TENM3: variants seen among roughly 807,000 people sequenced by gnomAD.
TENM3 encodes teneurin transmembrane protein 3.
Under a neutral mutation model 255.1 loss-of-function variants are expected in TENM3, and 63 were observed. That is an observed-to-expected ratio of 0.25 (90% confidence interval 0.20 to 0.30). TENM3 has a LOEUF of 0.30. TENM3 is among the 10% of genes least tolerant of loss of function. TENM3 has a pLI of 1.00. For synonymous variants in TENM3, 1,306 were observed against 1,322.3 expected, an observed-to-expected ratio of 0.99 and a Z score of 0.27; for missense variants, 2,929 against 3,461.1, an observed-to-expected ratio of 0.85 and a Z score of 3.86.
chr4:181,627,767 G>A, the TENM3 span, among the ~76,000 whole-genome samples: 1 of 152,158 alleles, frequency 6.6e-6, no homozygotes, highest in Admixed American at 6.5e-5. Context: ...CCAAGTCTTT[G>A]CTATTGTGAA....
chr4:182,547,654 T>C (rs1741576421), intron 3 of TENM3, among the ~76,000 whole-genome samples: 1 of 152,114 alleles, frequency 6.6e-6, no homozygotes. Flanking sequence ...TATCCAATGC[T>C]CACTCACTGG....
chr4:182,502,759 C>T (rs2151661111), intron 3 of TENM3, among the ~76,000 whole-genome samples: 1 of 151,904 alleles, frequency 6.6e-6, no homozygotes, highest in South Asian at 2.1e-4. Flanking sequence ...CTCTTTTATG[C>T]CAATATTTTC....
the TENM3 span, among the ~76,000 whole-genome samples, chr4:181,657,010 A>G: frequency 7.2e-5 from 11 of 152,238 alleles, no homozygotes; most frequent in Non-Finnish European, 1.2e-4. Flanking sequence ...CTTCAAGCTC[A>G]CCCAGTGCAA....
the TENM3 span, among the ~76,000 whole-genome samples, chr4:182,054,971 G>A: frequency 6.6e-6 from 1 of 152,124 alleles, no homozygotes; most frequent in East Asian, 1.9e-4. Flanking sequence ...TTATCTGCGA[G>A]CCTATTCCTT....
rs771356366 is a variant in TENM3 at position 182,792,301 on chromosome 4, C to T, written c.5629C>T (p.Arg1877Trp). The change falls in exon 26 of 28, where the codon CGG becomes TGG. Residue 1877 changes from arginine (R) to tryptophan (W), a missense_variant. This residue lies in a region of TENM3 where 303 missense variants were observed against 425.2 expected (regional missense o/e 0.71). Coordinates refer to ENST00000511685, the MANE Select transcript of TENM3 (RefSeq NM_001080477.4). This position sits in a 1 kb window ranked among gnomAD's most constrained non-coding sequence, Gnocchi z 6.3. Reference sequence around the variant, plus strand: ...CATGGTTCTTCTGCTTCATAGCCAGCGGCAGTACATCTTCGAATACGATAT... The same window carrying T: ...CATGGTTCTTCTGCTTCATAGCCAGTGGCAGTACATCTTCGAATACGATAT... ...KSMVLLLHSQ[R>W]QYIFEYDMWD... 1.2e-6 allele frequency: 2 copies of T among 1,613,774 alleles called. No homozygotes were observed. The highest frequency in any genetic ancestry group is 1.7e-6 in the Non-Finnish European group (2 of 1,179,708).
intron 1 of TENM3, among the ~76,000 whole-genome samples, chr4:182,217,548 G>C (rs569954466): frequency 3.3e-5 from 5 of 152,150 alleles, no homozygotes; most frequent in African/African-American, 4.8e-5. Context: ...GTGCTTGTTC[G>C]AGGTACTTTA....
intron 3 of TENM3, among the ~76,000 whole-genome samples, chr4:182,561,245 A>C (rs1388890803): frequency 1.3e-5 from 2 of 151,930 alleles, no homozygotes; most frequent in Non-Finnish European, 2.9e-5. Flanking sequence ...AATTGTATTT[A>C]TGAATTCAAA....
chr4:182,395,909 AT>A (rs1418304159), intron 3 of TENM3, among the ~76,000 whole-genome samples: 1 of 152,156 alleles, frequency 6.6e-6, no homozygotes. Context: ...CTTGCCTAAA[AT>A]TGTTTTGTCT....
chr4:182,754,994 T>C lies in TENM3; in HGVS notation c.4627T>C (p.Tyr1543His). Reference protein sequence around the residue: ...TVSLVTGDYLYNFSYSNDNDI... With the variant: ...TVSLVTGDYLHNFSYSNDNDI... The stretch of plus-strand genomic sequence containing the variant: ...AAGTTTAGTCACTGGTGATTACCTT[T>C]ACAATTTTAGCTACAGCAATGACAA... The change falls in exon 22 of 28, where the codon TAC becomes CAC. Residue 1543 changes from tyrosine (Y) to histidine (H), a missense_variant. By Grantham distance (83) the Tyr-to-His change is moderately conservative. This residue lies in a region of TENM3 where 1,608 missense variants were observed against 1,884.4 expected (regional missense o/e 0.85). Coordinates refer to ENST00000511685, the MANE Select transcript of TENM3 (RefSeq NM_001080477.4). The surrounding 1 kb of genome is among the most constrained non-coding windows in gnomAD (Gnocchi z 5.1). The C allele has an allele frequency of 6.2e-7, 1 of 1,614,044 alleles. No homozygotes were observed. Among genetic ancestry groups the C allele is most frequent in the Non-Finnish European group, 8.5e-7 (1 of 1,179,890 alleles).
the TENM3 span, among the ~76,000 whole-genome samples, chr4:181,768,349 A>T: frequency 2.0e-5 from 3 of 152,212 alleles, no homozygotes; most frequent in South Asian, 6.2e-4. Context: ...AGCTCCTCGC[A>T]GCAAATTGTG....
At chr4:181,973,004 A>G in the TENM3 span, among the ~76,000 whole-genome samples, 1 of 152,200 alleles carries the variant, frequency 6.6e-6, no homozygotes, top group Non-Finnish European at 1.5e-5. Flanking sequence ...TTAATAGGCC[A>G]AGTGGAGCGG....
the TENM3 span, among the ~76,000 whole-genome samples, chr4:181,918,258 A>G: frequency 1.3e-5 from 2 of 152,204 alleles, no homozygotes; most frequent in Admixed American, 1.3e-4. Flanking sequence ...AGTAAATAAC[A>G]TAATAAAAGA....
Position 182,793,840 on chromosome 4 carries a change from A to G in TENM3, c.7168A>G (p.Asn2390Asp), listed in dbSNP as rs1253320046. ...TTTTAACTTGTACATGTTTAGGAATAACAACCCTGCAAGCAAAATCCATGA... is the reference window on the plus strand; with the variant it reads ...TTTTAACTTGTACATGTTTAGGAATGACAACCCTGCAAGCAAAATCCATGA... ...APFNLYMFRN[N>D]NPASKIHDVK... The change falls in exon 26 of 28, where the codon AAC (asparagine) becomes GAC (aspartate). Residue 2390 changes from asparagine (N) to aspartate (D), a missense_variant. Physicochemically the swap from Asn to Asp is conservative, Grantham distance 23. Coordinates refer to ENST00000511685, the MANE Select transcript of TENM3 (RefSeq NM_001080477.4). The surrounding 1 kb of genome is among the most constrained non-coding windows in gnomAD (Gnocchi z 5.7). 1 of 1,612,786 alleles carries G rather than the reference A, an allele frequency of 6.2e-7. No individual in the cohort carries two copies. The highest frequency in any genetic ancestry group is 8.5e-7 in the Non-Finnish European group (1 of 1,179,234).
At chr4:182,703,866 A>G (rs772817897) in intron 12 of TENM3, among the ~76,000 whole-genome samples, 6 of 152,154 alleles carry the variant, frequency 3.9e-5, no homozygotes, top group Non-Finnish European at 8.8e-5. Context: ...AAAAAATTCT[A>G]CCCATTGATA....
At chr4:182,727,353 G>A (rs1200907237) in intron 13 of TENM3, among the ~76,000 whole-genome samples, 1 of 151,008 alleles carries the variant, frequency 6.6e-6, no homozygotes, top group Non-Finnish European at 1.5e-5. Flanking sequence ...CTTCTCAGGA[G>A]GCTGAGGCAG....
the TENM3 span, among the ~76,000 whole-genome samples, chr4:181,494,372 C>T: frequency 6.6e-6 from 1 of 152,178 alleles, no homozygotes; most frequent in South Asian, 2.1e-4. Context: ...GCAACCTCCG[C>T]CTCCCGGGTT....
chr4:181,485,555 A>G, the TENM3 span, among the ~76,000 whole-genome samples: 1 of 152,154 alleles, frequency 6.6e-6, no homozygotes, highest in Middle Eastern at 3.2e-3. Flanking sequence ...ATGGCAAAAA[A>G]ACAGATTTTC....
chr4:181,488,570 C>T, the TENM3 span, among the ~76,000 whole-genome samples: 1 of 152,038 alleles, frequency 6.6e-6, no homozygotes, highest in Non-Finnish European at 1.5e-5. Flanking sequence ...ATTTCCAGAA[C>T]TTTTGGTAAA....
At chr4:182,040,982 T>A in the TENM3 span, among the ~76,000 whole-genome samples, 1 of 152,206 alleles carries the variant, frequency 6.6e-6, no homozygotes, top group Non-Finnish European at 1.5e-5. Context: ...TTACTTTTGC[T>A]GTGACTGTGG....
Sources: gnomAD v4.1 joint callset for allele counts (sites outside exome capture counted in the v4.1 genomes callset) on GRCh38, gnomAD v4.1.1 for gene constraint, gnomAD v4.1.1 regional missense constraint, Gnocchi (gnomAD v3.1) non-coding constraint, MANE v1.5 for transcripts, NCBI Gene and HGNC (gene_info 2026-07-23, HGNC 2026-07-21) for gene names.